VNN1: variants seen among roughly 807,000 people sequenced by gnomAD.
The protein encoded by VNN1 is vanin 1, also known as pantetheinase.
Under a neutral mutation model 41.9 loss-of-function variants are expected in VNN1, and 29 were observed. That is an observed-to-expected ratio of 0.69 (90% CI 0.52 to 0.94). The LOEUF is 0.94. VNN1 is among the 40% of genes least tolerant of loss of function. VNN1 has a pLI of 0.00. For missense variants in VNN1, 637 were observed against 621.1 expected, an observed-to-expected ratio of 1.03 and a Z score of -0.27; for synonymous variants, 233 against 224.4, an observed-to-expected ratio of 1.04 and a Z score of -0.34.
rs754322202 is a variant in VNN1, at chr6:132,714,044, C to A, written c.-9G>T. 1 of 1,604,694 alleles carries A rather than the reference C, an allele frequency of 6.2e-7. No individual in the cohort carries two copies. Among genetic ancestry groups the A allele is most frequent in the Non-Finnish European group, 8.5e-7 (1 of 1,174,550 alleles). ...GGCAACTGAGTAGTCATGCTGAAGT[C>A]CAATGAGTGCTGAAAAACAGAGCAT... On this transcript the variant is annotated 5_prime_UTR_variant, in exon 1 of 7. Transcript: ENST00000367928.
At chr6:132,699,271 T>G in intron 2 of VNN1, 1 of 234,502 alleles carries the variant, frequency 4.3e-6, no homozygotes, top group Non-Finnish European at 8.8e-6. Flanking sequence ...ATTCACTCAT[T>G]CAAGGGAACT....
At chr6:132,704,740 AC>A (rs1384037025) in intron 2 of VNN1, among the ~76,000 whole-genome samples, 65 of 150,864 alleles carry the variant, frequency 4.3e-4, no homozygotes, top group Non-Finnish European at 4.4e-5. Context: ...GAAATAAAAA[AC>A]ATCCAAAAAA....
rs1377445524 is a variant in VNN1 at position 132,680,934 on chromosome 6, T to C, written c.*2206A>G. On this transcript the variant is annotated 3_prime_UTR_variant, in exon 7 of 7. Coordinates refer to ENST00000367928, the MANE Select transcript of VNN1 (RefSeq NM_004666.3). ...GCTTTTCAGACGTAACTATTGGGAGTGTATTTTGAAATACATATCACATAT... is the reference window on the plus strand; with the variant it reads ...GCTTTTCAGACGTAACTATTGGGAGCGTATTTTGAAATACATATCACATAT... Among the ~76,000 whole-genome samples the C allele has an allele frequency of 6.6e-6, 1 of 152,098 alleles. No homozygotes were observed. The highest frequency in any genetic ancestry group is 1.5e-5 in the Non-Finnish European group (1 of 68,020).
At chr6:132,697,827 A>G (rs779204080) in intron 2 of VNN1, among the ~76,000 whole-genome samples, 54 of 152,276 alleles carry the variant, frequency 3.5e-4, no homozygotes, top group Admixed American at 7.2e-4. Context: ...AGTTTAACCC[A>G]CCTTTGCTTC....
intron 2 of VNN1, among the ~76,000 whole-genome samples, chr6:132,707,651 G>A (rs887850844): frequency 4.6e-5 from 7 of 152,194 alleles, no homozygotes; most frequent in South Asian, 2.1e-4. Flanking sequence ...GTGAAATAAC[G>A]TAAGTTAGGC....
rs375394480 is a variant in VNN1 at position 132,681,398 on chromosome 6, A to G, written c.*1742T>C. Among the ~76,000 whole-genome samples, 6 of 152,310 alleles carry G rather than the reference A, an allele frequency of 3.9e-5. No homozygotes were observed. The East Asian group carries it at 1.2e-3, about 29-fold the overall frequency. ...TGAGATGATGGCAGCCCTGGGGACA[A>G]GTTAACTACAACTTTCCAAAGGCCC... On this transcript the variant is annotated 3_prime_UTR_variant, in exon 7 of 7. Transcript: ENST00000367928.
intron 5 of VNN1, among the ~76,000 whole-genome samples, chr6:132,688,767 T>C (rs1224408028): frequency 2.0e-5 from 3 of 152,224 alleles, no homozygotes; most frequent in Non-Finnish European, 4.4e-5. Context: ...CAATAAATGT[T>C]CTTCTACAAT....
Position 132,681,382 on chromosome 6 carries a change from G to A in VNN1, c.*1758C>T, listed in dbSNP as rs529585961. ...AGCCCCACCCGAGCCTTGAGATGAT[G>A]GCAGCCCTGGGGACAAGTTAACTAC... On this transcript the variant is annotated 3_prime_UTR_variant, in exon 7 of 7. Transcript: ENST00000367928. Among the ~76,000 whole-genome samples the A allele has an allele frequency of 3.3e-5, 5 of 152,226 alleles. No homozygotes were observed. Among genetic ancestry groups the A allele is most frequent in the Admixed American group, 6.5e-5 (1 of 15,284 alleles).
At chr6:132,695,722 C>T (rs1562217028) in intron 2 of VNN1, among the ~76,000 whole-genome samples, 1 of 152,030 alleles carries the variant, frequency 6.6e-6, no homozygotes, top group East Asian at 1.9e-4. Context: ...ATTAAATATA[C>T]AGGGAAATTT....
intron 2 of VNN1, among the ~76,000 whole-genome samples, chr6:132,695,154 A>C (rs751629837): frequency 1.3e-5 from 2 of 152,118 alleles, no homozygotes; most frequent in African/African-American, 2.4e-5. Context: ...CTCCATCTCA[A>C]AAAAAAATTT....
chr6:132,685,024 A>G (rs1249558101), intron 5 of VNN1, among the ~76,000 whole-genome samples: 1 of 152,250 alleles, frequency 6.6e-6, no homozygotes, highest in Non-Finnish European at 1.5e-5. Flanking sequence ...AATGTGTTTA[A>G]AGGTTTAATT....
In VNN1 at chr6:132,686,575, G is replaced by A. The variant is rs147444826; in HGVS notation, c.1189-2070C>T. 4.5e-4 allele frequency among the ~76,000 whole-genome samples: 69 copies of A among 152,322 alleles called. No individual in the cohort carries two copies. The East Asian group carries it at 0.012, about 26-fold the overall frequency. Reference sequence around the variant, plus strand: ...AACCTGGGAGACCTGACCATCCCAAGAGGAAGTCTCCAAAGACACTTACCT... The same window carrying A: ...AACCTGGGAGACCTGACCATCCCAAAAGGAAGTCTCCAAAGACACTTACCT... On this transcript the variant is annotated intron_variant, in intron 5 of 6. Transcript: ENST00000367928.
chr6:132,695,535 G>T (rs1454234715), intron 2 of VNN1, among the ~76,000 whole-genome samples: 1 of 152,108 alleles, frequency 6.6e-6, no homozygotes, highest in Non-Finnish European at 1.5e-5. Flanking sequence ...TTCTGATCAT[G>T]GAGGTACAAA....
At chr6:132,700,444 T>C (rs1201001394) in intron 2 of VNN1, among the ~76,000 whole-genome samples, 1 of 152,154 alleles carries the variant, frequency 6.6e-6, no homozygotes, top group Non-Finnish European at 1.5e-5. Context: ...CAGCCACCAC[T>C]ACCCCTGGCC....
At chr6:132,699,149 G>T in intron 2 of VNN1, 1 of 359,710 alleles carries the variant, frequency 2.8e-6, no homozygotes, top group South Asian at 2.7e-5. Flanking sequence ...GTTCCAAATA[G>T]GTGAATATAG....
chr6:132,694,406 C>G (rs1778337166), intron 2 of VNN1, among the ~76,000 whole-genome samples: 1 of 152,062 alleles, frequency 6.6e-6, no homozygotes, highest in Non-Finnish European at 1.5e-5. Context: ...GATTCCAGAC[C>G]ACGTATTTTT....
intron 2 of VNN1, among the ~76,000 whole-genome samples, chr6:132,696,807 G>A (rs1778379915): frequency 6.6e-6 from 1 of 151,374 alleles, no homozygotes; most frequent in African/African-American, 2.4e-5. Context: ...AGGAGGGGAG[G>A]GGAGGAGAGG....
intron 2 of VNN1, among the ~76,000 whole-genome samples, chr6:132,701,615 T>A (rs1054800373): frequency 6.6e-5 from 10 of 152,158 alleles, no homozygotes; most frequent in African/African-American, 2.4e-4. Flanking sequence ...AAATAGAACC[T>A]TCCAGCAATT....
At position 132,693,299 on chromosome 6, in the gene VNN1, C is replaced by T; in HGVS notation, c.551G>A (p.Gly184Asp). ...CTTGGGTACATTGAATTGATTTTCA[C>T]CCATGAAAAGGTTTTGCTGCAATAA... Reference protein sequence around the residue: ...ARYHKQNLFMGENQFNVPKEP... With the variant: ...ARYHKQNLFMDENQFNVPKEP... The change falls in exon 4 of 7, where the codon GGT (glycine) becomes GAT (aspartate). Residue 184 changes from glycine (G) to aspartate (D), a missense_variant. By Grantham distance (94) the Gly-to-Asp change is moderately conservative. Coordinates refer to ENST00000367928, the MANE Select transcript of VNN1 (RefSeq NM_004666.3). 6.2e-7 allele frequency: 1 copy of T among 1,601,844 alleles called. No homozygotes were observed. The highest frequency in any genetic ancestry group is 8.5e-7 in the Non-Finnish European group (1 of 1,174,790).
Sources: allele counts gnomAD v4.1 joint callset (sites outside exome capture counted in the v4.1 genomes callset), GRCh38; gene constraint gnomAD v4.1.1; transcripts MANE v1.5; gene names NCBI Gene and HGNC (gene_info 2026-07-23, HGNC 2026-07-21).